CAPN8: variants seen among roughly 807,000 people sequenced by gnomAD.
The protein encoded by CAPN8 is calpain 8.
Under a neutral mutation model 80.9 loss-of-function variants are expected in CAPN8, and 87 were observed. The observed-to-expected ratio is 1.07, with a 90% CI of 0.90 to 1.28. The LOEUF (loss-of-function observed/expected upper bound fraction) is 1.28. Ranked by LOEUF, CAPN8 falls within the 50% of genes most tolerant of loss-of-function variation. The probability of loss-of-function intolerance (pLI) is 0.00; values close to 1 mark genes in which losing one functional copy is unlikely to be tolerated. For synonymous variants in CAPN8, 299 were observed against 273.8 expected (o/e 1.09, Z -0.91); for missense variants, 757 against 702.0 (o/e 1.08, Z -0.89).
At chr1:223,640,238 C>T (rs769010433) in intron 2 of CAPN8, among the ~76,000 whole-genome samples, 12 of 152,106 alleles carry the variant, frequency 7.9e-5, no homozygotes, top group Admixed American at 3.9e-4. Context: ...AGATAAGATA[C>T]GCAAGGTGCC....
chr1:223,611,954 G>A (rs1251917741), intron 11 of CAPN8, among the ~76,000 whole-genome samples: 1 of 152,222 alleles, frequency 6.6e-6, no homozygotes, highest in Non-Finnish European at 1.5e-5. Flanking sequence ...TAGAACACTG[G>A]TTCTCAACCT....
At chr1:223,624,735 A>G (rs1657512186) in intron 6 of CAPN8, among the ~76,000 whole-genome samples, 1 of 148,090 alleles carries the variant, frequency 6.8e-6, no homozygotes, top group East Asian at 2.1e-4. Flanking sequence ...ATAAATAAAT[A>G]AATAAATAAA....
chr1:223,543,776 C>G (rs1350604976), intron 19 of CAPN8, among the ~76,000 whole-genome samples: 2 of 152,212 alleles, frequency 1.3e-5, no homozygotes, highest in Non-Finnish European at 2.9e-5. Context: ...ACTCATTCAT[C>G]TTGGCCTAGT....
At chr1:223,615,847 G>T in intron 10 of CAPN8, 123 bp downstream of exon 10, 2 of 1,219,138 alleles carry the variant, frequency 1.6e-6, no homozygotes, top group Non-Finnish European at 2.3e-6. Flanking sequence ...ATATAGAGGA[G>T]CAAGGACGCT....
In CAPN8 at chr1:223,541,616, T is replaced by C; in HGVS notation, c.*220A>G. On this transcript the variant is annotated 3_prime_UTR_variant, in exon 21 of 21. Transcript: ENST00000366872. The stretch of plus-strand genomic sequence containing the variant: ...TATCACGAGAGAAAGGTGGAAACCA[T>C]TCTGGCTCACAACTTTAATTGATTG... 1 of 641,364 alleles carries C rather than the reference T, an allele frequency of 1.6e-6. No individual in the cohort carries two copies. 39.7% of individuals were successfully genotyped at this position (641,364 alleles called of 1,614,324 possible).
At chr1:223,643,173 G>C (rs1433338626) in intron 2 of CAPN8, among the ~76,000 whole-genome samples, 1 of 152,194 alleles carries the variant, frequency 6.6e-6, no homozygotes, top group East Asian at 1.9e-4. Context: ...GCAATTGTTA[G>C]CTCCAGCCAT....
chr1:223,616,273 G>A, intron 9 of CAPN8, 128 bp from the exon 10 acceptor site: 1 of 1,062,612 alleles, frequency 9.4e-7, no homozygotes, highest in Middle Eastern at 3.2e-4. Flanking sequence ...TGCCTAGTAA[G>A]CAGGCCTCAG....
intron 11 of CAPN8, among the ~76,000 whole-genome samples, chr1:223,611,838 A>C (rs75206359): frequency 0.13 from 19,254 of 152,246 alleles, 1,283 homozygotes; most frequent in Middle Eastern, 0.16. Flanking sequence ...CACATGCTTC[A>C]TGGCTAGCCA....
intron 2 of CAPN8, among the ~76,000 whole-genome samples, chr1:223,648,478 A>C (rs1032292966): frequency 6.6e-6 from 1 of 152,214 alleles, no homozygotes; most frequent in African/African-American, 2.4e-5. Context: ...TACAGATCAA[A>C]AGGTGTCCAG....
At chr1:223,616,253 A>T in intron 9 of CAPN8, 108 bp from the exon 10 acceptor site, 1 of 1,248,582 alleles carries the variant, frequency 8.0e-7, no homozygotes, top group Non-Finnish European at 1.1e-6. Flanking sequence ...GCACAGCTCC[A>T]TCCAAACTGT....
At chr1:223,664,485 G>A (rs1433675516) in intron 1 of CAPN8, among the ~76,000 whole-genome samples, 1 of 152,150 alleles carries the variant, frequency 6.6e-6, no homozygotes, top group Non-Finnish European at 1.5e-5. Context: ...TACCAACCCT[G>A]AAAAATAAGG....
intron 11 of CAPN8, 92 bp downstream of exon 11, chr1:223,612,154 A>G (rs1657044405): frequency 9.2e-7 from 1 of 1,085,726 alleles, no homozygotes; most frequent in Non-Finnish European, 1.2e-6. Context: ...ACCAGCTTCT[A>G]CCACAGGAAA....
intron 10 of CAPN8, among the ~76,000 whole-genome samples, chr1:223,614,930 T>C (rs953531546): frequency 3.3e-5 from 5 of 152,260 alleles, no homozygotes; most frequent in African/African-American, 1.2e-4. Context: ...TGCAATTCCT[T>C]TCTCCTGCCA....
chr1:223,615,641 C>T (rs1329150978), intron 10 of CAPN8: 6 of 461,174 alleles, frequency 1.3e-5, no homozygotes, highest in Admixed American at 1.2e-4. Flanking sequence ...GTGCCTTATG[C>T]CCCCATGTTC....
At chr1:223,631,933 G>A (rs890624863) in intron 2 of CAPN8, among the ~76,000 whole-genome samples, 12 of 152,290 alleles carry the variant, frequency 7.9e-5, no homozygotes, top group South Asian at 4.2e-4. Flanking sequence ...GTTGCCTTCC[G>A]ATGTGAAGGT....
intron 7 of CAPN8, 146 bp downstream of exon 7, chr1:223,622,669 A>T: frequency 3.0e-6 from 2 of 671,672 alleles, no homozygotes; most frequent in Non-Finnish European, 5.3e-6. Context: ...GGATCCATTT[A>T]ATACTCTTTT....
chr1:223,630,265 T>C (rs1049729224), intron 2 of CAPN8, among the ~76,000 whole-genome samples: 1 of 150,678 alleles, frequency 6.6e-6, no homozygotes, highest in Non-Finnish European at 1.5e-5. Context: ...CCTCTCTTTT[T>C]GTCTGTCTGT....
At position 223,549,330 on chromosome 1, in the gene CAPN8, G is replaced by A; in HGVS notation, c.1752C>T (p.Ile584=). The change falls in exon 16 of 21, where the codon ATC becomes ATT. Residue 584 remains isoleucine (I), a synonymous_variant. Transcript: ENST00000366872. ...ATTTAAAGGATACATCCAACAGACT[G>A]ATCATTTCCCTGCAAGTGTTGATGT... ...GFNINTCREM[I]SLLDSNGTGT... is the part of the protein sequence containing the mutation. 1 of 1,551,700 alleles carries A rather than the reference G, an allele frequency of 6.4e-7. No homozygotes were observed. The highest frequency in any genetic ancestry group is 8.7e-7 in the Non-Finnish European group (1 of 1,147,008).
intron 2 of CAPN8, among the ~76,000 whole-genome samples, chr1:223,639,229 G>T (rs1205262382): frequency 2.0e-5 from 3 of 152,160 alleles, no homozygotes; most frequent in African/African-American, 7.2e-5. Flanking sequence ...CACAGAGCAA[G>T]ATTCCATCTC....
Sources: allele counts gnomAD v4.1 joint callset (sites outside exome capture counted in the v4.1 genomes callset), GRCh38; gene constraint gnomAD v4.1.1; transcripts MANE v1.5; gene names NCBI Gene and HGNC (gene_info 2026-07-23, HGNC 2026-07-21).